Variants in GSE1 observed in about 807,000 individuals in gnomAD.
The protein encoded by GSE1 is Gse1 coiled-coil protein, also known as genetic suppressor element 1.
A neutral mutation model predicts 112.6 loss-of-function variants in GSE1; 32 were observed. The ratio of observed to expected loss-of-function variants is 0.28; its 90% CI spans 0.21 to 0.38. GSE1 has a LOEUF of 0.38. Ranked by LOEUF, GSE1 falls within the 10% of genes least tolerant of loss-of-function variation. The pLI, the probability that GSE1 is intolerant of heterozygous loss-of-function variation, is 1.00. For synonymous variants in GSE1, 1,115 were observed against 735.6 expected (o/e 1.52, Z -8.35); for missense variants, 2,348 against 1,699.2 (o/e 1.38, Z -6.71).
At chr16:85,397,632 G>A (rs530844517) in intron 2 of GSE1, among the ~76,000 whole-genome samples, 1 of 152,312 alleles carries the variant, frequency 6.6e-6, no homozygotes, top group Admixed American at 6.5e-5. Context: ...TCAGCCTGGG[G>A]CCTCCCCGGA....
intron 1 of GSE1, among the ~76,000 whole-genome samples, chr16:85,306,768 C>A (rs557771047): frequency 5.3e-4 from 81 of 152,312 alleles, no homozygotes; most frequent in African/African-American, 1.9e-3. Context: ...CTGGGTATGG[C>A]CAAACGGAGG....
chr16:85,330,857 C>T (rs146415622), intron 1 of GSE1, among the ~76,000 whole-genome samples: 113 of 152,256 alleles, frequency 7.4e-4, no homozygotes, highest in Non-Finnish European at 1.5e-3. Flanking sequence ...TTACCCCAGG[C>T]TTGGGAAGTC....
intron 1 of GSE1, among the ~76,000 whole-genome samples, chr16:85,258,202 A>G (rs2144082647): frequency 6.6e-6 from 1 of 152,288 alleles, no homozygotes; most frequent in Middle Eastern, 3.4e-3. Context: ...TTGGGCTGAG[A>G]GTCCCCTGAA....
intron 2 of GSE1, among the ~76,000 whole-genome samples, chr16:85,409,605 G>C (rs1412590141): frequency 1.1e-4 from 1 of 9,070 alleles, no homozygotes; most frequent in Non-Finnish European, 8.5e-4. Context: ...TGCACTCAGG[G>C]CCCCCCTGGA....
At chr16:85,389,169 A>T (rs1418469217) in intron 2 of GSE1, among the ~76,000 whole-genome samples, 1 of 152,158 alleles carries the variant, frequency 6.6e-6, no homozygotes, top group Non-Finnish European at 1.5e-5. Context: ...CTCATTAAGA[A>T]GCTGCTAGGG....
At chr16:85,531,021 CT>C (rs1331408253) in intron 2 of GSE1, among the ~76,000 whole-genome samples, 3 of 152,242 alleles carry the variant, frequency 2.0e-5, no homozygotes, top group Non-Finnish European at 4.4e-5. Flanking sequence ...GGAGCAGGGG[CT>C]GATCTCTGGC....
intron 2 of GSE1, among the ~76,000 whole-genome samples, chr16:85,401,694 C>T (rs1181561298): frequency 2.6e-5 from 4 of 152,232 alleles, no homozygotes; most frequent in Admixed American, 2.6e-4. Context: ...CTTCTAACTG[C>T]TGCTGAGTGT....
chr16:85,398,794 A>G (rs2048024432), intron 2 of GSE1, among the ~76,000 whole-genome samples: 1 of 152,164 alleles, frequency 6.6e-6, no homozygotes, highest in African/African-American at 2.4e-5. Flanking sequence ...CGTGGTCCTT[A>G]CATGGTCCCG....
intron 2 of GSE1, among the ~76,000 whole-genome samples, chr16:85,496,280 C>T (rs946343455): frequency 3.3e-5 from 5 of 152,216 alleles, no homozygotes; most frequent in African/African-American, 9.7e-5. Context: ...AGCGATGGGC[C>T]GCCCCTCGCG....
intron 2 of GSE1, among the ~76,000 whole-genome samples, chr16:85,547,228 G>A (rs2044731784): frequency 6.6e-6 from 1 of 152,186 alleles, no homozygotes; most frequent in East Asian, 1.9e-4. Context: ...AGAAGTGACA[G>A]GATGTATTAG....
intron 1 of GSE1, chr16:85,556,429 C>T: frequency 4.1e-6 from 3 of 737,126 alleles, no homozygotes; most frequent in Non-Finnish European, 5.0e-6. Flanking sequence ...CTCCCTCACC[C>T]GACCCCCCTC....
intron 1 of GSE1, among the ~76,000 whole-genome samples, chr16:85,345,523 T>A (rs938743088): frequency 3.9e-5 from 6 of 152,226 alleles, no homozygotes; most frequent in Non-Finnish European, 8.8e-5. Context: ...GCTAGTGTCC[T>A]CGTTTCCTTC....
chr16:85,522,292 G>A (rs2052211750), intron 2 of GSE1, among the ~76,000 whole-genome samples: 1 of 152,062 alleles, frequency 6.6e-6, no homozygotes, highest in Admixed American at 6.6e-5. Flanking sequence ...CTGAGCTGTG[G>A]TCAGGGCCGT....
intron 1 of GSE1, among the ~76,000 whole-genome samples, chr16:85,338,726 A>G (rs1195397999): frequency 1.3e-5 from 2 of 152,160 alleles, no homozygotes; most frequent in Admixed American, 6.5e-5. Context: ...GGTAGCTAGT[A>G]GGTACTGTCA....
intron 1 of GSE1, among the ~76,000 whole-genome samples, chr16:85,312,834 G>GCTACTC (rs772910843): frequency 6.5e-4 from 99 of 152,194 alleles, no homozygotes; most frequent in Non-Finnish European, 1.2e-3. Context: ...GTTGACACTG[G>GCTACTC]CCTCAGAGGG....
intron 2 of GSE1, among the ~76,000 whole-genome samples, chr16:85,522,671 G>A (rs1181793846): frequency 6.6e-6 from 1 of 152,212 alleles, no homozygotes; most frequent in Non-Finnish European, 1.5e-5. Context: ...CTCCGAGTCC[G>A]TGAGTGTGAG....
At chr16:85,394,927 T>TG (rs1352588298) in intron 2 of GSE1, among the ~76,000 whole-genome samples, 3 of 151,956 alleles carry the variant, frequency 2.0e-5, no homozygotes, top group African/African-American at 7.3e-5. Context: ...GGAAGCTCAA[T>TG]GGGGCAGGCT....
At chr16:85,513,370 G>A (rs74031826) in intron 2 of GSE1, among the ~76,000 whole-genome samples, 121 of 152,182 alleles carry the variant, frequency 8.0e-4, no homozygotes, top group African/African-American at 2.2e-3. Context: ...CTGCCCTACC[G>A]TCTCTGTGCC....
chr16:85,196,022 G>A (rs761973217), intron 1 of GSE1, among the ~76,000 whole-genome samples: 8 of 152,122 alleles, frequency 5.3e-5, no homozygotes, highest in Admixed American at 2.0e-4. Flanking sequence ...GGCAGCACCC[G>A]ATAACCAAAC....
Sources: gnomAD v4.1 joint callset for allele counts (sites outside exome capture counted in the v4.1 genomes callset) on GRCh38, gnomAD v4.1.1 for gene constraint, MANE v1.5 for transcripts, NCBI Gene and HGNC (gene_info 2026-07-23, HGNC 2026-07-21) for gene names.